LAMA5: variants seen among roughly 807,000 people sequenced by gnomAD.
The protein encoded by LAMA5 is laminin subunit alpha-5.
LAMA5 carries 260 observed loss-of-function variants against 433.4 expected under a neutral mutation model. That is an observed-to-expected ratio of 0.60 (90% CI 0.54 to 0.66). LAMA5 has a LOEUF of 0.66. Ranked by LOEUF, LAMA5 falls within the 30% of genes least tolerant of loss-of-function variation. The pLI, the probability that LAMA5 is intolerant of heterozygous loss-of-function variation, is 0.00. For missense variants in LAMA5, 5,378 were observed against 5,258.5 expected (o/e 1.02, Z -0.70); for synonymous variants, 2,620 against 2,226.6 (o/e 1.18, Z -4.97).
At chr20:62,327,097 G>T in intron 38 of LAMA5, 131 bp from the exon 39 acceptor site, 1 of 1,116,818 alleles carries the variant, frequency 9.0e-7, no homozygotes, top group Non-Finnish European at 1.3e-6. Context: ...ATTCCCTACC[G>T]GGACAGGGCC....
intron 18 of LAMA5, 124 bp downstream of exon 18, chr20:62,336,216 C>A: frequency 1.5e-6 from 1 of 676,906 alleles, no homozygotes; most frequent in Non-Finnish European, 2.6e-6. Flanking sequence ...CCACTCCCTC[C>A]AGGGCACACT....
chr20:62,326,187 C>T (rs940166892), intron 40 of LAMA5, among the ~76,000 whole-genome samples: 1 of 151,566 alleles, frequency 6.6e-6, no homozygotes, highest in African/African-American at 2.4e-5. Flanking sequence ...ACCACTGCAC[C>T]CCAGCCTGGG....
intron 6 of LAMA5, among the ~76,000 whole-genome samples, chr20:62,349,047 A>G (rs190966700): frequency 3.0e-4 from 46 of 152,206 alleles, no homozygotes; most frequent in African/African-American, 1.1e-3. Flanking sequence ...AGGCAGGTGG[A>G]TCACGAGGTC....
chr20:62,348,660 A>T (rs1453824984), intron 6 of LAMA5, among the ~76,000 whole-genome samples: 1 of 152,124 alleles, frequency 6.6e-6, no homozygotes, highest in Non-Finnish European at 1.5e-5. Context: ...AATAAAAAAA[A>T]TAACACTATG....
intron 11 of LAMA5, among the ~76,000 whole-genome samples, chr20:62,340,126 C>T (rs112905116): frequency 0.047 from 7,094 of 151,880 alleles, 228 homozygotes; most frequent in Non-Finnish European, 0.069. Flanking sequence ...GAGCAGGTAA[C>T]GTGTCCTGGA....
intron 3 of LAMA5, 156 bp downstream of exon 3, chr20:62,352,978 A>G: frequency 1.7e-6 from 1 of 590,028 alleles, no homozygotes; most frequent in South Asian, 2.1e-5. Context: ...ATAAATCCCC[A>G]TGAGCCTTCG....
rs1422237984 is a variant in LAMA5, at chr20:62,331,021, C to G, written c.3650+11G>C. 3.1e-6 allele frequency: 5 copies of G among 1,590,034 alleles called. No individual in the cohort carries two copies. The highest frequency in any genetic ancestry group is 4.3e-6 in the Non-Finnish European group (5 of 1,170,024). Reference sequence around the variant, plus strand: ...GGCCGCGCCCCTCCCAGCCCCATTACCTGCCATTACCTGTTGGGGCCAAAG... The same window carrying G: ...GGCCGCGCCCCTCCCAGCCCCATTAGCTGCCATTACCTGTTGGGGCCAAAG... On this transcript the variant is annotated intron_variant, in intron 29 of 79. Transcript: ENST00000252999.
rs1987074297 is a variant in LAMA5 at position 62,317,459 on chromosome 20, G to A, written c.7397C>T (p.Thr2466Ile). The change falls in exon 55 of 80, where the codon ACC becomes ATC. Residue 2466 changes from threonine to isoleucine, a missense_variant. Thr to Ile is a moderately conservative substitution (Grantham distance 89, BLOSUM62 -1). Transcript: ENST00000252999. ...RLAASLDGAR[T>I]PLLQRMQTFS... ...GGTCTGCATCCTCTGCAGCAGTGGG[G>A]TCCGAGCCCCATCCAGGCTGGCGGC... 1 of 1,583,192 alleles carries A rather than the reference G, an allele frequency of 6.3e-7. No individual in the cohort carries two copies.
At chr20:62,318,363 G>T in intron 53 of LAMA5, 91 bp downstream of exon 53, 1 of 755,852 alleles carries the variant, frequency 1.3e-6, no homozygotes, top group East Asian at 2.8e-5. Context: ...GGGAGGACGA[G>T]GGGAGGGGAG....
At chr20:62,347,707 G>A (rs1983598752) in intron 6 of LAMA5, among the ~76,000 whole-genome samples, 1 of 152,212 alleles carries the variant, frequency 6.6e-6, no homozygotes, top group Non-Finnish European at 1.5e-5. Context: ...CTACTGCTCA[G>A]TATTAGCCAG....
At position 62,313,242 on chromosome 20, in the gene LAMA5, G is replaced by A. The variant is rs1439078405; in HGVS notation, c.8801C>T (p.Ser2934Leu). 6 of 1,379,374 alleles carry A rather than the reference G, an allele frequency of 4.3e-6. No homozygotes were observed. In the African/African-American group the frequency reaches 4.6e-5, roughly 10 times the overall value. 85.4% of individuals were successfully genotyped at this position (1,379,374 alleles called of 1,614,324 possible). A position where few individuals can be genotyped will look rare whatever the true frequency, so the allele number is the denominator to read the frequency against. ...AVDRPCARSK[S>L]TGDPWLTDGS... is the part of the protein sequence containing the mutation. The stretch of plus-strand genomic sequence containing the variant: ...GTCCGTGAGCCACGGGTCCCCGGTC[G>A]ACTTGGAGCTGCAGGTCGGAGATTC... The change falls in exon 65 of 80, where the codon TCG becomes TTG. Residue 2934 changes from serine to leucine, a missense_variant. Coordinates refer to ENST00000252999, the MANE Select transcript of LAMA5 (RefSeq NM_005560.6).
chr20:62,322,619 G>C, intron 46 of LAMA5, 39 bp downstream of exon 46: 1 of 1,421,634 alleles, frequency 7.0e-7, no homozygotes, highest in South Asian at 1.2e-5. Context: ...CTAGTCCCTA[G>C]GCCCCACCCA....
At chr20:62,321,900 A>T (rs1258157786) in intron 48 of LAMA5, 119 bp downstream of exon 48, 10 of 1,000,306 alleles carry the variant, frequency 1.0e-5, no homozygotes, top group Non-Finnish European at 1.6e-5. Flanking sequence ...GTCTCTCGGG[A>T]AATGGAAGGC....
intron 57 of LAMA5, chr20:62,316,337 G>A (rs1339181356): frequency 3.6e-6 from 2 of 555,290 alleles, no homozygotes; most frequent in Admixed American, 3.2e-5. Flanking sequence ...GGTCCTAGCA[G>A]CTCACACCTT....
chr20:62,311,392 G>A lies in LAMA5; in HGVS notation c.9942+9C>T. ...CCCAGCTCTGCCTGCTCACCCCTGG[G>A]GTGCCCACCTTCCGGGCGGTGGCCT... On this transcript the variant is annotated intron_variant, in intron 72 of 79. Coordinates refer to ENST00000252999, the MANE Select transcript of LAMA5 (RefSeq NM_005560.6). The A allele has an allele frequency of 6.4e-7, 1 of 1,551,448 alleles. No homozygotes were observed. Among genetic ancestry groups the A allele is most frequent in the Non-Finnish European group, 8.7e-7 (1 of 1,146,708 alleles).
intron 31 of LAMA5, 99 bp from the exon 32 acceptor site, chr20:62,330,015 C>T: frequency 6.8e-7 from 1 of 1,473,772 alleles, no homozygotes; most frequent in Non-Finnish European, 9.0e-7. Context: ...CAAGGAGTGC[C>T]CGCTGGCCAA....
intron 6 of LAMA5, among the ~76,000 whole-genome samples, chr20:62,351,501 C>G (rs1469440601): frequency 1.3e-5 from 2 of 152,172 alleles, no homozygotes; most frequent in Non-Finnish European, 2.9e-5. Context: ...GGAGGCTGCA[C>G]ATGCCCTGGC....
chr20:62,349,815 GATGACGGTGATGGTGGGGGT>G (rs1984008516), intron 6 of LAMA5, among the ~76,000 whole-genome samples: 2 of 137,012 alleles, frequency 1.5e-5, no homozygotes, highest in Non-Finnish European at 3.2e-5. Context: ...TGGTGGGGGT[GATGACGGTGATGGTGGGGGT>G]GATGATGGTG....
chr20:62,330,330 G>A (rs1013673716), intron 31 of LAMA5, among the ~76,000 whole-genome samples, 158 bp downstream of exon 31: 1 of 152,192 alleles, frequency 6.6e-6, no homozygotes, highest in African/African-American at 2.4e-5. Flanking sequence ...GGGCGGGTAG[G>A]GGCTGCGGGC....
Sources: allele counts gnomAD v4.1 joint callset (sites outside exome capture counted in the v4.1 genomes callset), GRCh38; gene constraint gnomAD v4.1.1; transcripts MANE v1.5; gene names NCBI Gene and HGNC (gene_info 2026-07-23, HGNC 2026-07-21).